Variants in ACSM6 observed in about 807,000 individuals in gnomAD.
ACSM6 encodes the protein acyl-coenzyme A synthetase ACSM6, mitochondrial.
Under a neutral mutation model 51.1 loss-of-function variants are expected in ACSM6, and 35 were observed. The observed-to-expected ratio is 0.69, with a 90% CI of 0.52 to 0.91. The LOEUF (loss-of-function observed/expected upper bound fraction) is 0.91. Ranked by LOEUF, ACSM6 falls within the 40% of genes least tolerant of loss-of-function variation. The pLI, the probability that ACSM6 is intolerant of heterozygous loss-of-function variation, is 0.00. For synonymous variants in ACSM6, 172 were observed against 207.3 expected, an observed-to-expected ratio of 0.83 and a Z score of 1.46; for missense variants, 509 against 584.1, an observed-to-expected ratio of 0.87 and a Z score of 1.32.
At chr10:95,201,702 C>A (rs2034795327) in intron 2 of ACSM6, 3 of 534,506 alleles carry the variant, frequency 5.6e-6, no homozygotes, top group South Asian at 5.1e-5. Context: ...CCAGAGAAAT[C>A]TCTGCCATCC....
At chr10:95,214,774 TCCAAGA>T in intron 7 of ACSM6, 72 bp from the exon 8 acceptor site, 1 of 1,465,122 alleles carries the variant, frequency 6.8e-7, no homozygotes. Flanking sequence ...GCATCATTTT[TCCAAGA>T]TTCTTTCTAA....
At chr10:95,194,913 A>G (rs545491227) in intron 2 of ACSM6, among the ~76,000 whole-genome samples, 3 of 152,356 alleles carry the variant, frequency 2.0e-5, no homozygotes, top group South Asian at 4.1e-4. Flanking sequence ...TTTGCCTTCT[A>G]GGACCTTAGT....
intron 10 of ACSM6, 94 bp downstream of exon 10, chr10:95,225,485 T>C (rs919382855): frequency 6.4e-6 from 6 of 943,204 alleles, no homozygotes; most frequent in African/African-American, 1.7e-5. Context: ...CCAAATACTT[T>C]TGTCCCAATT....
chr10:95,210,244 A>AAG (rs1444173314), intron 4 of ACSM6, among the ~76,000 whole-genome samples: 1 of 152,148 alleles, frequency 6.6e-6, no homozygotes, highest in Non-Finnish European at 1.5e-5. Context: ...AGGAATAGTG[A>AAG]AGAGAGAGAG....
At chr10:95,195,925 G>A (rs1156986087) in intron 2 of ACSM6, among the ~76,000 whole-genome samples, 1 of 152,012 alleles carries the variant, frequency 6.6e-6, no homozygotes, top group Non-Finnish European at 1.5e-5. Flanking sequence ...TCCTTGAAAA[G>A]GTTTGAGGCA....
rs1481130298 is a variant in ACSM6 at position 95,211,884 on chromosome 10, G to A, written c.762G>A (p.Trp254Ter). Residue 254 changes from tryptophan (W) to a stop codon, truncating the protein, a stop_gained, in exon 6 of 11, where the codon TGG becomes TGA. Transcript: ENST00000341686. LOFTEE classifies it high-confidence loss of function. ...CTTTCCTCTTTCTCTTTAGACGGTG[G>A]ATGGATCTCCAGCCAACAGATGTCT... The A allele has an allele frequency of 1.9e-6, 3 of 1,604,168 alleles. No individual in the cohort carries two copies. The highest frequency in any genetic ancestry group is 2.2e-5 in the South Asian group (2 of 88,956).
chr10:95,211,742 A>AT (rs2034895076), intron 5 of ACSM6, 136 bp from the exon 6 acceptor site: 1 of 932,698 alleles, frequency 1.1e-6, no homozygotes, highest in Admixed American at 3.3e-5. Flanking sequence ...TCATGACCTC[A>AT]TAAATAGGCT....
In ACSM6 at chr10:95,210,901, A is replaced by G. The variant is rs1361718450; in HGVS notation, c.755+108A>G. 21 of 1,310,150 alleles carry G rather than the reference A, an allele frequency of 1.6e-5. No homozygotes were observed. The Admixed American group carries it at 3.4e-4, about 21-fold the overall frequency. The allele number at this position is 1,310,150 out of a possible 1,614,324, so 81.2% of individuals were successfully genotyped here. A position where few individuals can be genotyped will look rare whatever the true frequency, so the allele number is the denominator to read the frequency against. ...AGGAGTTTCTTACTCAAGACTGCAG[A>G]AAGTGTCAATATTGAGAGAAGGAAC... On this transcript the variant is annotated intron_variant, in intron 5 of 10. Coordinates refer to ENST00000341686, the Ensembl canonical transcript of ACSM6.
chr10:95,213,028 C>T, intron 7 of ACSM6, 88 bp downstream of exon 7: 1 of 1,067,470 alleles, frequency 9.4e-7, no homozygotes, highest in Non-Finnish European at 1.4e-6. Context: ...GAAGTAGATC[C>T]AATCTTACCC....
Position 95,201,398 on chromosome 10 carries a change from A to G in ACSM6, c.193-587A>G, listed in dbSNP as rs748139268. On this transcript the variant is annotated intron_variant, in intron 2 of 10. Transcript: ENST00000341686. ...GTTTAACTCCCACTTATAAGTGAAA[A>G]CAGGCAGTATTTGATTTTCTGTTTC... 59 of 439,158 alleles carry G rather than the reference A, an allele frequency of 1.3e-4. 1 individual carries two copies. Among genetic ancestry groups the G allele is most frequent in the South Asian group, 7.7e-4 (46 of 59,730 alleles). 27.2% of individuals were successfully genotyped at this position (439,158 alleles called of 1,614,324 possible). A position where few individuals can be genotyped will look rare whatever the true frequency, so the allele number is the denominator to read the frequency against.
Position 95,208,358 on chromosome 10 carries a change from T to C in ACSM6, c.611+943T>C, listed in dbSNP as rs547347367. ...TGGGAGAGGATGAGGAATGAGAAAT[T>C]ACTTAATGGGTACAAGGTACACCAT... On this transcript the variant is annotated intron_variant, in intron 4 of 10. Transcript: ENST00000341686. Among the ~76,000 whole-genome samples, 10 of 152,264 alleles carry C rather than the reference T, an allele frequency of 6.6e-5. No individual in the cohort carries two copies. In the East Asian group the frequency reaches 1.9e-3, roughly 29 times the overall value.
intron 10 of ACSM6, among the ~76,000 whole-genome samples, chr10:95,227,019 C>T (rs1418557170): frequency 1.3e-5 from 2 of 148,894 alleles, no homozygotes; most frequent in African/African-American, 5.0e-5. Context: ...CAGGGTCTCA[C>T]TCAGTCACCC....
In ACSM6 at chr10:95,194,449, T is replaced by C; in HGVS notation, c.-21-16T>C. The C allele has an allele frequency of 6.5e-7, 1 of 1,534,854 alleles. No homozygotes were observed. Among genetic ancestry groups the C allele is most frequent in the South Asian group, 1.2e-5 (1 of 83,428 alleles). On this transcript the variant is annotated splice_polypyrimidine_tract_variant and intron_variant, in intron 1 of 10. Coordinates refer to ENST00000341686, the Ensembl canonical transcript of ACSM6. ...AGCTGCTCAATTACTCCCTGTCTTT[T>C]CCTCAATTTACCTAGGTGGTTCCCT...
At chr10:95,202,558 A>T (rs753567844) in intron 3 of ACSM6, among the ~76,000 whole-genome samples, 37 of 152,312 alleles carry the variant, frequency 2.4e-4, no homozygotes, top group Middle Eastern at 3.4e-3. Context: ...TAACATAGTC[A>T]TCATCAAAAC....
At chr10:95,202,243 C>T (rs2034802145) in intron 3 of ACSM6, 48 bp downstream of exon 3, 13 of 1,417,514 alleles carry the variant, frequency 9.2e-6, no homozygotes, top group Middle Eastern at 2.3e-4. Flanking sequence ...TATGTGAATC[C>T]CAGCCTCAGT....
At chr10:95,209,130 T>C (rs2034870587) in intron 4 of ACSM6, among the ~76,000 whole-genome samples, 1 of 151,938 alleles carries the variant, frequency 6.6e-6, no homozygotes, top group Non-Finnish European at 1.5e-5. Flanking sequence ...GGGGGAATGA[T>C]TTTAGATTTG....
intron 3 of ACSM6, among the ~76,000 whole-genome samples, chr10:95,203,124 T>A (rs961388626): frequency 6.6e-6 from 1 of 152,036 alleles, no homozygotes; most frequent in African/African-American, 2.4e-5. Flanking sequence ...CTGCCTCCTG[T>A]CAGATCAGAG....
chr10:95,196,732 A>C (rs1397288779), intron 2 of ACSM6, among the ~76,000 whole-genome samples: 1 of 152,254 alleles, frequency 6.6e-6, no homozygotes, highest in East Asian at 1.9e-4. Context: ...TGTGGAAATA[A>C]CATGATGTAG....
chr10:95,212,741 T>C (rs1310231038), intron 6 of ACSM6, 117 bp from the exon 7 acceptor site: 3 of 742,810 alleles, frequency 4.0e-6, no homozygotes, highest in Non-Finnish European at 4.7e-6. Flanking sequence ...ATCCCCAAGC[T>C]GAGTTTCAAA....
Sources: gnomAD v4.1 joint callset for allele counts (sites outside exome capture counted in the v4.1 genomes callset) on GRCh38, gnomAD v4.1.1 for gene constraint, MANE v1.5 for transcripts, NCBI Gene and HGNC (gene_info 2026-07-23, HGNC 2026-07-21) for gene names.